The following MEAK7 variants were observed in gnomAD, a reference collection of about 807,000 sequenced individuals.
MEAK7 encodes the protein MTOR-associated protein MEAK7.
Under a neutral mutation model 40.5 loss-of-function variants are expected in MEAK7, and 68 were observed. The ratio of observed to expected loss-of-function variants is 1.68; its 90% CI spans 1.38 to 2.06. MEAK7 has a LOEUF of 2.06. Ranked by LOEUF, MEAK7 falls within the 30% of genes most tolerant of loss-of-function variation. MEAK7 has a pLI of 0.00. For missense variants in MEAK7, 918 were observed against 580.5 expected (o/e 1.58, Z -5.98); for synonymous variants, 338 against 231.9 (o/e 1.46, Z -4.16).
chr16:84,479,621 A>T lies in MEAK7; in HGVS notation c.*292T>A. 3.5e-6 allele frequency: 1 copy of T among 287,434 alleles called. No homozygotes were observed. The highest frequency in any genetic ancestry group is 1.7e-4 in the South Asian group (1 of 6,040). The allele number at this position is 287,434 out of a possible 1,614,324, so 17.8% of individuals were successfully genotyped here. On this transcript the variant is annotated 3_prime_UTR_variant, in exon 8 of 8. Transcript: ENST00000343629. ...CTTAGGATTTCGTTGGTAAAAAAGA[A>T]CAAAGTATAAGACTGAGTTACTAAT...
rs780577543 is a variant in MEAK7 at position 84,497,540 on chromosome 16, T to C, written c.153+394A>G. On this transcript the variant is annotated intron_variant, in intron 2 of 7. Coordinates refer to ENST00000343629, the MANE Select transcript of MEAK7 (RefSeq NM_020947.4). ...GGGAGGGCAGTCAGGAGGGACGTGGTTCAAGAGACACACGAGGCAGGCTAT... is the reference window on the plus strand; with the variant it reads ...GGGAGGGCAGTCAGGAGGGACGTGGCTCAAGAGACACACGAGGCAGGCTAT... The C allele has an allele frequency of 4.3e-5, 55 of 1,292,344 alleles. 2 individuals are homozygous for C. In the South Asian group the frequency reaches 5.8e-4, roughly 14 times the overall value. 80.1% of individuals were successfully genotyped at this position (1,292,344 alleles called of 1,614,324 possible).
rs1912462352 is a variant in MEAK7 at position 84,480,713 on chromosome 16, A to G, written c.1078-5T>C. On this transcript the variant is annotated splice_region_variant and splice_polypyrimidine_tract_variant and intron_variant, in intron 6 of 7. Coordinates refer to ENST00000343629, the MANE Select transcript of MEAK7 (RefSeq NM_020947.4). ...ATTGTGCTGCCCCCCCATACCCTGC[A>G]AAGGAAGCCAGGACAGAGAATAGCA... 1.9e-6 allele frequency: 3 copies of G among 1,608,024 alleles called. No individual in the cohort carries two copies. The highest frequency in any genetic ancestry group is 1.7e-6 in the Non-Finnish European group (2 of 1,177,030).
intron 5 of MEAK7, among the ~76,000 whole-genome samples, chr16:84,485,663 C>CCT (rs1357237005): frequency 2.7e-5 from 4 of 149,782 alleles, no homozygotes; most frequent in Non-Finnish European, 5.9e-5. Flanking sequence ...TCCATCCATC[C>CCT]ATCTATCTAC....
intron 1 of MEAK7, among the ~76,000 whole-genome samples, chr16:84,501,508 A>T (rs1460601104): frequency 1.3e-5 from 2 of 152,170 alleles, no homozygotes; most frequent in Admixed American, 6.5e-5. Flanking sequence ...GACAGCCGGG[A>T]GAAAGGTGCA....
chr16:84,479,554 G>A lies in MEAK7; in HGVS notation c.*359C>T, dbSNP rs59520704. 0.031 allele frequency: 5,097 copies of A among 165,220 alleles called. 186 individuals are homozygous for A. Among genetic ancestry groups the A allele is most frequent in the African/African-American group, 0.11 (4,158 of 38,268 alleles). 10.2% of individuals were successfully genotyped at this position (165,220 alleles called of 1,614,324 possible). ...GCCAGCGGAATTCCCTAATGCCAGC[G>A]GAATTCCCTAATGCCAGCGGGGGTC... On this transcript the variant is annotated 3_prime_UTR_variant, in exon 8 of 8. Coordinates refer to ENST00000343629, the MANE Select transcript of MEAK7 (RefSeq NM_020947.4).
At chr16:84,494,534 G>GT (rs1320090025) in intron 3 of MEAK7, among the ~76,000 whole-genome samples, 1 of 152,142 alleles carries the variant, frequency 6.6e-6, no homozygotes, top group Admixed American at 6.5e-5. Context: ...AAACTCTGGA[G>GT]TAACAGCGAC....
intron 3 of MEAK7, among the ~76,000 whole-genome samples, chr16:84,493,324 T>A (rs559357062): frequency 6.6e-6 from 1 of 152,310 alleles, no homozygotes; most frequent in Admixed American, 6.5e-5. Flanking sequence ...TATAGAACTC[T>A]GAAGAGTACT....
rs1335422156 is a variant in MEAK7, at chr16:84,486,666, G to A, written c.923C>T (p.Ala308Val). 5 of 1,613,064 alleles carry A rather than the reference G, an allele frequency of 3.1e-6. No homozygotes were observed. The highest frequency in any genetic ancestry group is 1.7e-5 in the Admixed American group (1 of 59,780). The change falls in exon 5 of 8, where the codon GCC becomes GTC. Residue 308 changes from alanine to valine, a missense_variant. Ala to Val is a moderately conservative substitution (Grantham distance 64). Transcript: ENST00000343629. Reference sequence around the variant, plus strand: ...AGGCTTCACCTCCCAAGAGCAAGAGGCAAACCCACCGAACACATGCTTGTC... The same window carrying A: ...AGGCTTCACCTCCCAAGAGCAAGAGACAAACCCACCGAACACATGCTTGTC... ...DHDKHVFGGFASCSWEVKPQF... is the reference protein window; with the variant it reads ...DHDKHVFGGFVSCSWEVKPQF...
At chr16:84,501,338 G>A (rs1300780642) in intron 1 of MEAK7, among the ~76,000 whole-genome samples, 3 of 152,036 alleles carry the variant, frequency 2.0e-5, no homozygotes, top group South Asian at 2.1e-4. Context: ...ACGTGGGGGA[G>A]GGCAGCAGAG....
chr16:84,495,905 G>A lies in MEAK7; in HGVS notation c.162C>T (p.Val54=), dbSNP rs369348901. The A allele has an allele frequency of 1.6e-5, 26 of 1,613,800 alleles. No homozygotes were observed. Among genetic ancestry groups the A allele is most frequent in the Middle Eastern group, 1.6e-4 (1 of 6,084 alleles). Residue 54 remains valine (V), a synonymous_variant, in exon 3 of 8, where the codon GTC becomes GTT. Transcript: ENST00000343629. ...SFSLKALQNH[V]GEALPPEMVT... ...CCATCTCTGGGGGAAGAGCTTCCCC[G>A]ACGTGGTTCTGCCGGGGACAAGCAG...
intron 2 of MEAK7, among the ~76,000 whole-genome samples, chr16:84,496,425 T>G (rs1262523190): frequency 6.6e-6 from 1 of 152,174 alleles, no homozygotes; most frequent in Non-Finnish European, 1.5e-5. Flanking sequence ...TACCCCTCCC[T>G]CCGTCTCTGT....
intron 1 of MEAK7, among the ~76,000 whole-genome samples, chr16:84,499,012 G>C (rs139497627): frequency 1.5e-4 from 23 of 152,182 alleles, no homozygotes; most frequent in African/African-American, 5.1e-4. Context: ...TATCAACCAA[G>C]TCAACCAAAG....
Position 84,498,435 on chromosome 16 carries a change from A to AT in MEAK7, c.-25-325dup, listed in dbSNP as rs111992656. ...AGGACCACACCAGGATGCCTGGCTA[A>AT]TTTTTTTTTTTTTGTCTTCTGTAGA... On this transcript the variant is annotated intron_variant, in intron 1 of 7. Transcript: ENST00000343629. 7.9e-3 allele frequency among the ~76,000 whole-genome samples: 1,149 copies of AT among 144,764 alleles called. 6 individuals carry two copies. Among genetic ancestry groups the AT allele is most frequent in the Middle Eastern group, 0.014 (4 of 280 alleles). 95.0% of individuals were successfully genotyped at this position (144,764 alleles called of 152,430 possible).
rs776904619 is a variant in MEAK7, at chr16:84,489,368, G to C, written c.439C>G (p.Leu147Val). Residue 147 changes from leucine (L) to valine (V), a missense_variant, in exon 4 of 8, where the codon CTG becomes GTG. Transcript: ENST00000343629. Reference sequence around the variant, plus strand: ...GCTTCCTTCCCAGTCCAGCCTCTCAGCTCCTGTCTGTGGCTTAGCACGTGC... The same window carrying C: ...GCTTCCTTCCCAGTCCAGCCTCTCACCTCCTGTCTGTGGCTTAGCACGTGC... Reference protein sequence around the residue: ...VVHVLSHRQELRGWTGKEAPG... With the variant: ...VVHVLSHRQEVRGWTGKEAPG... 6.2e-6 allele frequency: 10 copies of C among 1,614,054 alleles called. No individual in the cohort carries two copies. Among genetic ancestry groups the C allele is most frequent in the Middle Eastern group, 1.6e-4 (1 of 6,084 alleles).
At chr16:84,496,536 C>T (rs1444052059) in intron 2 of MEAK7, among the ~76,000 whole-genome samples, 1 of 152,302 alleles carries the variant, frequency 6.6e-6, no homozygotes, top group East Asian at 1.9e-4. Flanking sequence ...TTTATCTAAA[C>T]TGGCATAAGG....
intron 3 of MEAK7, 21 bp from the exon 4 acceptor site, chr16:84,489,443 C>G: frequency 1.3e-6 from 2 of 1,590,290 alleles, no homozygotes; most frequent in Admixed American, 1.7e-5. Flanking sequence ...ACAATTTTAC[C>G]ATTAAAAACA....
Position 84,482,543 on chromosome 16 carries a change from G to C in MEAK7, c.1077+49C>G, listed in dbSNP as rs748181340. On this transcript the variant is annotated intron_variant, in intron 6 of 7. Transcript: ENST00000343629. ...GCTGAGCCTCGGGGTTGACACCTTT[G>C]CTGGGGGACATCACCAAGGCAAGAC... 6 of 1,613,248 alleles carry C rather than the reference G, an allele frequency of 3.7e-6. No homozygotes were observed. The African/African-American group carries it at 4.0e-5, about 11-fold the overall frequency.
intron 6 of MEAK7, 128 bp downstream of exon 6, chr16:84,482,464 G>T: frequency 6.8e-7 from 1 of 1,472,302 alleles, no homozygotes; most frequent in East Asian, 2.3e-5. Flanking sequence ...AGAAGGAACT[G>T]GACATGGCGT....
Position 84,495,670 on chromosome 16 carries a change from G to A in MEAK7, c.384+13C>T, listed in dbSNP as rs146308201. On this transcript the variant is annotated intron_variant, in intron 3 of 7. Transcript: ENST00000343629. ...TGCTGAGGAGGCTGCAAAGGACCTC[G>A]CGGCCTCACTACCTTTTGGACTTCT... is the stretch of plus-strand genomic sequence containing the variant. 4.6e-3 allele frequency: 7,423 copies of A among 1,613,638 alleles called. 525 individuals carry two copies. In the Admixed American group the frequency reaches 0.12, roughly 25 times the overall value.
Sources: gnomAD v4.1 joint callset for allele counts (sites outside exome capture counted in the v4.1 genomes callset) on GRCh38, gnomAD v4.1.1 for gene constraint, MANE v1.5 for transcripts, NCBI Gene and HGNC (gene_info 2026-07-23, HGNC 2026-07-21) for gene names.